PAG1: variants seen among roughly 807,000 people sequenced by gnomAD.
PAG1 encodes phosphoprotein membrane anchor with glycosphingolipid microdomains 1.
Under a neutral mutation model 31.7 loss-of-function variants are expected in PAG1, and 23 were observed. The ratio of observed to expected loss-of-function variants is 0.73; its 90% confidence interval spans 0.52 to 1.03. The LOEUF (loss-of-function observed/expected upper bound fraction) is 1.03. PAG1 is among the 50% of genes least tolerant of loss of function. The pLI, the probability that PAG1 is intolerant of heterozygous loss-of-function variation, is 0.00. For missense variants in PAG1, 473 were observed against 540.7 expected (o/e 0.87, Z 1.24); for synonymous variants, 214 against 210.3 (o/e 1.02, Z -0.15).
chr8:81,083,316 A>G (rs994996242), intron 1 of PAG1, among the ~76,000 whole-genome samples: 3 of 152,120 alleles, frequency 2.0e-5, no homozygotes, highest in Admixed American at 6.5e-5. Context: ...GCTCCTCATT[A>G]CTGTTAGGAG....
intron 2 of PAG1, among the ~76,000 whole-genome samples, chr8:81,041,561 G>A (rs771826633): frequency 2.0e-5 from 3 of 152,208 alleles, no homozygotes; most frequent in African/African-American, 4.8e-5. Context: ...ATGACTTTGC[G>A]GAGGAAAGCT....
chr8:81,011,155 C>T (rs1403555109), intron 3 of PAG1, among the ~76,000 whole-genome samples: 1 of 152,100 alleles, frequency 6.6e-6, no homozygotes, highest in African/African-American at 2.4e-5. Context: ...AGAATAGAAC[C>T]TTCATGAGCA....
rs145751470 is a variant in PAG1 at position 80,989,197 on chromosome 8, A to G, written c.178-1731T>C. On this transcript the variant is annotated intron_variant, in intron 5 of 8. Transcript: ENST00000220597. The stretch of plus-strand genomic sequence containing the variant: ...CAGCTGTTTCCATCCAATGCAGCTC[A>G]TTCACGTCTGATGAGCCCCCAGTGA... Among the ~76,000 whole-genome samples the G allele has an allele frequency of 2.6e-4, 40 of 152,304 alleles. 1 individual carries two copies. The East Asian group carries it at 7.7e-3, about 29-fold the overall frequency.
intron 2 of PAG1, among the ~76,000 whole-genome samples, chr8:81,031,112 G>A (rs1358974675): frequency 6.6e-6 from 1 of 152,214 alleles, no homozygotes. Context: ...CTTAGACTGT[G>A]TGTTGCTTTC....
chr8:81,027,050 A>G lies in PAG1; in HGVS notation c.-81+2946T>C, dbSNP rs77428689. ...TTTTGAGACAGGGTCTTGCTCTGTCACTCAGACTGGAGTGGAGTGGTATGA... is the reference window on the plus strand; with the variant it reads ...TTTTGAGACAGGGTCTTGCTCTGTCGCTCAGACTGGAGTGGAGTGGTATGA... On this transcript the variant is annotated intron_variant, in intron 3 of 8. Transcript: ENST00000220597. 2.7e-3 allele frequency among the ~76,000 whole-genome samples: 417 copies of G among 152,074 alleles called. 1 individual carries two copies. Among genetic ancestry groups the G allele is most frequent in the African/African-American group, 9.8e-3 (408 of 41,456 alleles).
At chr8:81,035,908 C>A (rs1436769601) in intron 2 of PAG1, among the ~76,000 whole-genome samples, 1 of 151,946 alleles carries the variant, frequency 6.6e-6, no homozygotes, top group Admixed American at 6.6e-5. Context: ...CATATATATA[C>A]ATGCATATAT....
chr8:81,014,951 A>G (rs1808048157), intron 3 of PAG1, among the ~76,000 whole-genome samples: 1 of 152,198 alleles, frequency 6.6e-6, no homozygotes, highest in African/African-American at 2.4e-5. Flanking sequence ...CGCAAGAACC[A>G]TCTGATCTCT....
rs147693114 is a variant in PAG1, at chr8:80,980,196, C to A, written c.936+239G>T. 5.8e-3 allele frequency among the ~76,000 whole-genome samples: 891 copies of A among 152,310 alleles called. 16 individuals carry two copies. The highest frequency in any genetic ancestry group is 0.02 in the African/African-American group (840 of 41,552). ...GCCCTCTCTATTTTTCCTGACCCTG[C>A]TTTCCTGCTCAGTTTCTTTTCCTGA... On this transcript the variant is annotated intron_variant, in intron 8 of 8. Coordinates refer to ENST00000220597, the MANE Select transcript of PAG1 (RefSeq NM_018440.4).
intron 3 of PAG1, among the ~76,000 whole-genome samples, chr8:81,027,669 G>A (rs1045942974): frequency 6.6e-6 from 1 of 152,164 alleles, no homozygotes; most frequent in Non-Finnish European, 1.5e-5. Flanking sequence ...ACTTTGGGAG[G>A]CCGAGGCAGG....
At chr8:81,056,707 A>G (rs1221771247) in intron 2 of PAG1, among the ~76,000 whole-genome samples, 1 of 152,246 alleles carries the variant, frequency 6.6e-6, no homozygotes, top group Non-Finnish European at 1.5e-5. Context: ...AACAAAAGCC[A>G]AAATTGACAA....
chr8:81,081,327 C>T (rs1271833749), intron 1 of PAG1, among the ~76,000 whole-genome samples: 1 of 151,824 alleles, frequency 6.6e-6, no homozygotes, highest in Non-Finnish European at 1.5e-5. Flanking sequence ...GATGTAGCTA[C>T]AAGAAATTTT....
chr8:81,058,703 C>G (rs941398667), intron 2 of PAG1: 1 of 151,918 alleles, frequency 6.6e-6, no homozygotes, highest in Non-Finnish European at 1.5e-5. Context: ...TTGTGACCAG[C>G]CTGAGCAATA....
chr8:81,079,606 A>C lies in PAG1; in HGVS notation c.-233-9436T>G, dbSNP rs774024713. Among the ~76,000 whole-genome samples, 29 of 152,040 alleles carry C rather than the reference A, an allele frequency of 1.9e-4. 1 individual carries two copies. The highest frequency in any genetic ancestry group is 4.3e-4 in the Non-Finnish European group (29 of 68,012). ...ACTGAGCATATGAGACTCAGGAGAG[A>C]CACTCAGAGTTGGGCCCCTTAAGAG... On this transcript the variant is annotated intron_variant, in intron 1 of 8. Transcript: ENST00000220597.
chr8:81,090,172 C>T (rs1809422946), intron 1 of PAG1, among the ~76,000 whole-genome samples: 2 of 152,204 alleles, frequency 1.3e-5, no homozygotes, highest in African/African-American at 2.4e-5. Context: ...TACTCTCTCT[C>T]CCAGGTAATT....
intron 2 of PAG1, chr8:81,039,423 C>A (rs1400535198): frequency 6.6e-6 from 1 of 152,240 alleles, no homozygotes; most frequent in Non-Finnish European, 1.5e-5. Flanking sequence ...TGAAGGTATG[C>A]TGCCATAAGG....
In PAG1 at chr8:80,968,709, C is replaced by T. The variant is rs1035335039; in HGVS notation, c.*7835G>A. 6.6e-6 allele frequency: 1 copy of T among 152,142 alleles called. No individual in the cohort carries two copies. The highest frequency in any genetic ancestry group is 1.5e-5 in the Non-Finnish European group (1 of 68,032). The allele number at this position is 152,142 out of a possible 1,614,324, so 9.4% of individuals were successfully genotyped here. A position where few individuals can be genotyped will look rare whatever the true frequency, so the allele number is the denominator to read the frequency against. ...GAAAAAATGCTTCTAGTCACCTACTCAATTATAGCTCTAGTAGCCATATTA... is the reference window on the plus strand; with the variant it reads ...GAAAAAATGCTTCTAGTCACCTACTTAATTATAGCTCTAGTAGCCATATTA... On this transcript the variant is annotated 3_prime_UTR_variant, in exon 9 of 9. Coordinates refer to ENST00000220597, the MANE Select transcript of PAG1 (RefSeq NM_018440.4).
At chr8:81,023,321 G>C (rs1808219866) in intron 3 of PAG1, among the ~76,000 whole-genome samples, 1 of 152,010 alleles carries the variant, frequency 6.6e-6, no homozygotes, top group Non-Finnish European at 1.5e-5. Flanking sequence ...TGACAAATGG[G>C]CATATACTTG....
At chr8:81,021,923 C>T (rs1251877029) in intron 3 of PAG1, among the ~76,000 whole-genome samples, 4 of 152,160 alleles carry the variant, frequency 2.6e-5, no homozygotes, top group Non-Finnish European at 4.4e-5. Context: ...CAATTTGTCA[C>T]CATTTACTTT....
At chr8:81,073,890 G>A (rs1809133132) in intron 1 of PAG1, among the ~76,000 whole-genome samples, 2 of 152,044 alleles carry the variant, frequency 1.3e-5, no homozygotes, top group Non-Finnish European at 2.9e-5. Flanking sequence ...AATGTTAGCT[G>A]AGCACAGACC....
Sources: allele counts gnomAD v4.1 joint callset (sites outside exome capture counted in the v4.1 genomes callset), GRCh38; gene constraint gnomAD v4.1.1; transcripts MANE v1.5; gene names NCBI Gene and HGNC (gene_info 2026-07-23, HGNC 2026-07-21).